Variants in SNF8 observed in about 807,000 individuals in gnomAD.
The protein encoded by SNF8 is SNF8 subunit of ESCRT-II.
SNF8 carries 19 observed loss-of-function variants against 36.8 expected under a neutral mutation model. The ratio of observed to expected loss-of-function variants is 0.52; its 90% CI spans 0.36 to 0.76. The LOEUF is 0.76. Ranked by LOEUF, SNF8 falls within the 30% of genes least tolerant of loss-of-function variation. SNF8 has a pLI of 0.00. For synonymous variants in SNF8, 127 were observed against 127.4 expected (o/e 1.00, Z 0.02); for missense variants, 268 against 322.9 (o/e 0.83, Z 1.30).
Position 48,937,067 on chromosome 17 carries a change from C to T in SNF8, c.302G>A (p.Gly101Asp). The T allele has an allele frequency of 6.2e-7, 1 of 1,614,180 alleles. No individual in the cohort carries two copies. ...CAGGCACACTTCGATAATTTGGACA[C>T]CTAGTTCGTAATAGAAGTCCCCCAC... ...LGVGDFYYEL[G>D]VQIIEVCLAL... The change falls in exon 4 of 8, where the codon GGT becomes GAT. Residue 101 changes from glycine to aspartate, a missense_variant. Coordinates refer to ENST00000502492, the MANE Select transcript of SNF8 (RefSeq NM_007241.4).
intron 6 of SNF8, 51 bp from the exon 7 acceptor site, chr17:48,931,768 T>C (rs759128163): frequency 5.5e-6 from 8 of 1,441,788 alleles, no homozygotes; most frequent in South Asian, 1.2e-5. Context: ...CACCTTCCCT[T>C]AGAACCCAGG....
At chr17:48,935,679 A>G (rs2040924392) in intron 5 of SNF8, 1 of 152,774 alleles carries the variant, frequency 6.5e-6, no homozygotes, top group East Asian at 1.9e-4. Context: ...ACTCTTTCTC[A>G]AAGAAAAAAA....
chr17:48,944,729 G>A lies in SNF8; in HGVS notation c.6C>T (p.His2=), dbSNP rs1598096092. The change falls in exon 1 of 8, where the codon CAC becomes CAT. Residue 2 remains histidine, a synonymous_variant. Transcript: ENST00000502492. M[H]RRGVGAGAIA... is the part of the protein sequence containing the mutation. ...TGGCGCCAGCTCCCACCCCGCGGCG[G>A]TGCATCCCCACCCTGGGCCCGCGGG... is the stretch of plus-strand genomic sequence containing the variant. The A allele has an allele frequency of 1.9e-6, 3 of 1,609,474 alleles. No homozygotes were observed. The highest frequency in any genetic ancestry group is 2.2e-5 in the South Asian group (2 of 90,816).
chr17:48,942,801 GC>G (rs760050948), intron 2 of SNF8, among the ~76,000 whole-genome samples: 54 of 147,648 alleles, frequency 3.7e-4, no homozygotes, highest in Non-Finnish European at 6.2e-4. Context: ...GCCCACCTCG[GC>G]CTCCCAAAGT....
chr17:48,943,683 C>CA (rs2041063230), intron 2 of SNF8, among the ~76,000 whole-genome samples: 1 of 152,108 alleles, frequency 6.6e-6, no homozygotes, highest in African/African-American at 2.4e-5. Flanking sequence ...GAGGATTGAA[C>CA]AAGACAGTCT....
chr17:48,938,095 T>C (rs2040962537), intron 3 of SNF8, among the ~76,000 whole-genome samples: 1 of 152,110 alleles, frequency 6.6e-6, no homozygotes, highest in Admixed American at 6.5e-5. Context: ...AGAGAAAGAA[T>C]ATGCAGACTC....
chr17:48,940,029 G>A (rs1160916667), intron 3 of SNF8, among the ~76,000 whole-genome samples: 1 of 145,376 alleles, frequency 6.9e-6, no homozygotes, highest in African/African-American at 2.5e-5. Context: ...GAGCCAAGAT[G>A]GCACCACTGC....
At chr17:48,943,840 C>T in intron 2 of SNF8, 85 bp downstream of exon 2, 1 of 1,240,540 alleles carries the variant, frequency 8.1e-7, no homozygotes, top group Non-Finnish European at 1.2e-6. Context: ...CTAGTTCAAT[C>T]TACACAATCA....
chr17:48,939,964 A>G (rs983856569), intron 3 of SNF8, among the ~76,000 whole-genome samples: 4 of 149,582 alleles, frequency 2.7e-5, no homozygotes, highest in African/African-American at 9.8e-5. Context: ...AATCCCAGCT[A>G]CTTGGGAGGC....
At chr17:48,936,788 G>T in intron 4 of SNF8, 1 of 575,110 alleles carries the variant, frequency 1.7e-6, no homozygotes, top group Non-Finnish European at 3.1e-6. Context: ...GTACTGACTA[G>T]GGACTAGACC....
At chr17:48,936,947 A>T (rs996182216) in intron 4 of SNF8, 73 bp downstream of exon 4, 1 of 1,126,684 alleles carries the variant, frequency 8.9e-7, no homozygotes, top group Non-Finnish European at 1.4e-6. Flanking sequence ...CAGGATGGAA[A>T]CGATAATCTT....
At chr17:48,930,710 G>A in intron 7 of SNF8, 98 bp from the exon 8 acceptor site, 2 of 1,282,230 alleles carry the variant, frequency 1.6e-6, no homozygotes, top group Non-Finnish European at 1.1e-6. Context: ...CTTCAGTGAG[G>A]TTTTCAAACT....
intron 2 of SNF8, among the ~76,000 whole-genome samples, chr17:48,942,657 A>AG (rs2041046753): frequency 1.3e-5 from 2 of 152,130 alleles, no homozygotes; most frequent in African/African-American, 4.8e-5. Flanking sequence ...GCCACAGGTT[A>AG]GGCAATATTT....
At chr17:48,932,931 A>G in intron 6 of SNF8, 1 of 338,410 alleles carries the variant, frequency 3.0e-6, no homozygotes, top group Non-Finnish European at 5.3e-6. Context: ...AAAGAAATCT[A>G]GTTAGTTGTC....
intron 3 of SNF8, among the ~76,000 whole-genome samples, chr17:48,940,183 G>A (rs2040999213): frequency 6.6e-6 from 1 of 150,474 alleles, no homozygotes; most frequent in Non-Finnish European, 1.5e-5. Context: ...CTGGACTATA[G>A]ACACATGCCA....
At position 48,937,090 on chromosome 17, in the gene SNF8, C is replaced by T. The variant is rs762091985; in HGVS notation, c.279G>A (p.Val93=). 6.2e-7 allele frequency: 1 copy of T among 1,614,046 alleles called. No homozygotes were observed. The highest frequency in any genetic ancestry group is 2.2e-5 in the East Asian group (1 of 44,900). Residue 93 remains valine, a synonymous_variant, in exon 4 of 8, where the codon GTG becomes GTA. Transcript: ENST00000502492. ...GKGFWSEMLG[V]GDFYYELGVQ... ...CACCTAGTTCGTAATAGAAGTCCCC[C>T]ACGCCCAGCATCTCAGACCAAAATC...
At chr17:48,937,621 A>ACT (rs200877777) in intron 3 of SNF8, among the ~76,000 whole-genome samples, 1 of 146,116 alleles carries the variant, frequency 6.8e-6, no homozygotes, top group Non-Finnish European at 1.5e-5. Context: ...TAAGAGCACA[A>ACT]CTCTCTCTCA....
At chr17:48,940,266 C>T (rs1410403785) in intron 3 of SNF8, among the ~76,000 whole-genome samples, 4 of 151,416 alleles carry the variant, frequency 2.6e-5, no homozygotes, top group Admixed American at 2.6e-4. Context: ...ATCTTTAACT[C>T]CTGGATTCAA....
chr17:48,932,493 T>TC (rs1263410879), intron 6 of SNF8: 1 of 152,132 alleles, frequency 6.6e-6, no homozygotes, highest in Non-Finnish European at 1.5e-5. Flanking sequence ...ACCCCTGTAA[T>TC]CCCAGCACTT....
Sources: allele counts gnomAD v4.1 joint callset (sites outside exome capture counted in the v4.1 genomes callset), GRCh38; gene constraint gnomAD v4.1.1; transcripts MANE v1.5; gene names NCBI Gene and HGNC (gene_info 2026-07-23, HGNC 2026-07-21).